The following PCCB variants were observed in gnomAD, a reference collection of about 807,000 sequenced individuals.
The protein encoded by PCCB is propionyl-CoA carboxylase beta chain, mitochondrial.
PCCB carries 43 observed loss-of-function variants against 60.7 expected under a neutral mutation model. The ratio of observed to expected loss-of-function variants is 0.71; its 90% confidence interval spans 0.55 to 0.91. The LOEUF is 0.91. PCCB is among the 40% of genes least tolerant of loss of function. PCCB has a pLI of 0.00. For synonymous variants in PCCB, 276 were observed against 255.9 expected (o/e 1.08, Z -0.75); for missense variants, 766 against 702.8 (o/e 1.09, Z -1.02).
At position 136,305,621 on chromosome 3, in the gene PCCB, T is replaced by A. The variant is rs1323438125; in HGVS notation, c.966+4510T>A. 1.7e-5 allele frequency among the ~76,000 whole-genome samples: 2 copies of A among 114,826 alleles called. 1 individual carries two copies. The highest frequency in any genetic ancestry group is 3.8e-5 in the Non-Finnish European group (2 of 52,048). The allele number at this position is 114,826 out of a possible 152,430, so 75.3% of individuals were successfully genotyped here. A position where few individuals can be genotyped will look rare whatever the true frequency, so the allele number is the denominator to read the frequency against. ...AAAATTAGCCGGGTGTGGTGGTGTG[T>A]CCCTGTAATCCCAGCTACTGGAGAG... On this transcript the variant is annotated intron_variant, in intron 9 of 14. Coordinates refer to ENST00000251654, the MANE Select transcript of PCCB (RefSeq NM_000532.5).
At chr3:136,327,484 C>G (rs1055472865) in intron 12 of PCCB, 150 bp from the exon 13 acceptor site, 21 of 743,010 alleles carry the variant, frequency 2.8e-5, no homozygotes, top group Non-Finnish European at 5.1e-5. Flanking sequence ...TGAGCATTAA[C>G]TTTGAAAGGT....
intron 8 of PCCB, among the ~76,000 whole-genome samples, chr3:136,300,426 G>T (rs922437019): frequency 1.3e-5 from 2 of 152,334 alleles, no homozygotes; most frequent in East Asian, 3.9e-4. Context: ...GGGTCCTCCT[G>T]TAGAGTGGGA....
At chr3:136,302,177 C>A (rs1173909270) in intron 9 of PCCB, among the ~76,000 whole-genome samples, 1 of 65,788 alleles carries the variant, frequency 1.5e-5, no homozygotes, top group African/African-American at 3.1e-5. Flanking sequence ...CCGGCTCCTG[C>A]AAGCTGTGTG....
chr3:136,266,935 T>G (rs901122250), intron 5 of PCCB, among the ~76,000 whole-genome samples: 1 of 152,158 alleles, frequency 6.6e-6, no homozygotes, highest in Non-Finnish European at 1.5e-5. Flanking sequence ...CAGGCTGGAG[T>G]TCAGTGGTGT....
At chr3:136,267,161 A>G (rs971425550) in intron 5 of PCCB, among the ~76,000 whole-genome samples, 16 of 152,198 alleles carry the variant, frequency 1.1e-4, no homozygotes, top group African/African-American at 3.9e-4. Context: ...CTGGGGTTAC[A>G]GGCGTGAGCC....
chr3:136,289,743 G>T, intron 6 of PCCB, among the ~76,000 whole-genome samples: 1 of 145,068 alleles, frequency 6.9e-6, no homozygotes, highest in African/African-American at 2.6e-5. Context: ...GATTTTAATT[G>T]AGCATTCTAT....
chr3:136,281,436 C>G (rs956092312), intron 5 of PCCB, among the ~76,000 whole-genome samples: 3 of 151,650 alleles, frequency 2.0e-5, no homozygotes, highest in African/African-American at 7.3e-5. Context: ...ATTGTCAACT[C>G]CAGGCTTTCT....
intron 3 of PCCB, among the ~76,000 whole-genome samples, chr3:136,257,872 G>A (rs1289956766): frequency 2.6e-5 from 4 of 152,168 alleles, no homozygotes; most frequent in African/African-American, 9.7e-5. Flanking sequence ...GGCGGAGGTT[G>A]CAGTGAGCCG....
At chr3:136,324,066 A>G (rs1381882898) in intron 10 of PCCB, among the ~76,000 whole-genome samples, 1 of 149,336 alleles carries the variant, frequency 6.7e-6, no homozygotes, top group Non-Finnish European at 1.5e-5. Flanking sequence ...TCCAGAGACT[A>G]TATTTTTTGT....
intron 5 of PCCB, among the ~76,000 whole-genome samples, chr3:136,268,220 G>T (rs546394228): frequency 4.6e-4 from 68 of 148,752 alleles, no homozygotes; most frequent in Non-Finnish European, 3.3e-4. Flanking sequence ...GTTAATTTTT[G>T]TATATGGTGT....
intron 9 of PCCB, among the ~76,000 whole-genome samples, chr3:136,310,612 A>G (rs1316635066): frequency 6.6e-6 from 1 of 152,248 alleles, no homozygotes; most frequent in African/African-American, 2.4e-5. Context: ...AAATTCTTCC[A>G]GAGCATAGAA....
At chr3:136,279,083 CT>C (rs1173993700) in intron 5 of PCCB, among the ~76,000 whole-genome samples, 6 of 152,262 alleles carry the variant, frequency 3.9e-5, no homozygotes, top group Admixed American at 3.9e-4. Flanking sequence ...TTTAAAGTCT[CT>C]TTAGTCTGAT....
At chr3:136,323,753 C>T (rs1935191066) in intron 10 of PCCB, among the ~76,000 whole-genome samples, 1 of 151,066 alleles carries the variant, frequency 6.6e-6, no homozygotes, top group Non-Finnish European at 1.5e-5. Context: ...CCATTGCACT[C>T]CAGCCTGGGT....
chr3:136,310,177 A>G (rs998428669), intron 9 of PCCB, among the ~76,000 whole-genome samples: 4 of 152,200 alleles, frequency 2.6e-5, no homozygotes, highest in Non-Finnish European at 2.9e-5. Flanking sequence ...CAGCCTGACT[A>G]ACATGGAGAA....
At chr3:136,286,004 G>A (rs1005434661) in intron 6 of PCCB, among the ~76,000 whole-genome samples, 3 of 152,132 alleles carry the variant, frequency 2.0e-5, no homozygotes, top group Non-Finnish European at 2.9e-5. Flanking sequence ...CACCATGCAA[G>A]AATAAACATT....
At chr3:136,319,804 T>G (rs749456007) in intron 10 of PCCB, among the ~76,000 whole-genome samples, 1 of 152,240 alleles carries the variant, frequency 6.6e-6, no homozygotes, top group Non-Finnish European at 1.5e-5. Flanking sequence ...TGAAGGTATG[T>G]TCCTGTTGTT....
At chr3:136,257,958 T>C (rs1054918814) in intron 3 of PCCB, among the ~76,000 whole-genome samples, 5 of 152,148 alleles carry the variant, frequency 3.3e-5, no homozygotes, top group Non-Finnish European at 5.9e-5. Context: ...AAAATAGTTA[T>C]ACTTGGTTAA....
chr3:136,325,551 T>G (rs962321552), intron 10 of PCCB, among the ~76,000 whole-genome samples: 1 of 151,522 alleles, frequency 6.6e-6, no homozygotes, highest in Non-Finnish European at 1.5e-5. Flanking sequence ...AGAGATGAGG[T>G]TTCACCATGT....
intron 7 of PCCB, among the ~76,000 whole-genome samples, chr3:136,296,690 C>T (rs919229710): frequency 1.5e-4 from 23 of 152,002 alleles, no homozygotes; most frequent in African/African-American, 5.6e-4. Flanking sequence ...GTGGCTGTAC[C>T]CATTTATAAA....
Sources: gnomAD v4.1 joint callset for allele counts (sites outside exome capture counted in the v4.1 genomes callset) on GRCh38, gnomAD v4.1.1 for gene constraint, MANE v1.5 for transcripts, NCBI Gene and HGNC (gene_info 2026-07-23, HGNC 2026-07-21) for gene names.